Variants in CCDC60 observed in about 807,000 individuals in gnomAD.
CCDC60 encodes the protein coiled-coil domain-containing protein 60.
Under a neutral mutation model 63.5 loss-of-function variants are expected in CCDC60, and 54 were observed. The observed-to-expected ratio is 0.85, with a 90% CI of 0.68 to 1.07. CCDC60 has a LOEUF of 1.07. Ranked by LOEUF, CCDC60 falls within the 50% of genes least tolerant of loss-of-function variation. CCDC60 has a pLI of 0.00. For missense variants in CCDC60, 651 were observed against 684.3 expected, an observed-to-expected ratio of 0.95 and a Z score of 0.54; for synonymous variants, 206 against 238.8, an observed-to-expected ratio of 0.86 and a Z score of 1.27.
chr12:119,478,418 G>A (rs1314234611), intron 3 of CCDC60, among the ~76,000 whole-genome samples: 1 of 151,890 alleles, frequency 6.6e-6, no homozygotes, highest in Non-Finnish European at 1.5e-5. Context: ...CTGCTGTAAT[G>A]GTGAAAGAAA....
chr12:119,524,397 C>T (rs1952622064), intron 11 of CCDC60: 16 of 977,478 alleles, frequency 1.6e-5, no homozygotes, highest in Non-Finnish European at 1.9e-5. Flanking sequence ...TTCTAGCTTA[C>T]TCCTTGACTC....
chr12:119,414,643 C>T (rs1956668263), intron 1 of CCDC60, among the ~76,000 whole-genome samples: 2 of 152,086 alleles, frequency 1.3e-5, no homozygotes, highest in South Asian at 2.1e-4. Flanking sequence ...CTCAAACTCT[C>T]GAGCTTAAGT....
chr12:119,416,188 C>T (rs1292428213), intron 1 of CCDC60, among the ~76,000 whole-genome samples: 2 of 152,126 alleles, frequency 1.3e-5, no homozygotes, highest in Admixed American at 1.3e-4. Flanking sequence ...TCGAGACCAG[C>T]CTGACCAACA....
chr12:119,532,597 C>G (rs1356354593), intron 13 of CCDC60, among the ~76,000 whole-genome samples: 1 of 151,828 alleles, frequency 6.6e-6, no homozygotes, highest in Non-Finnish European at 1.5e-5. Context: ...CAGGCCCCAG[C>G]TTGTGATGTT....
intron 7 of CCDC60, among the ~76,000 whole-genome samples, chr12:119,512,049 C>A (rs940306145): frequency 3.3e-5 from 5 of 152,142 alleles, no homozygotes; most frequent in African/African-American, 1.2e-4. Context: ...TTTATCACAG[C>A]CTAGATGGCT....
At chr12:119,509,644 AATGATGATGATG>A (rs60115763) in intron 7 of CCDC60, among the ~76,000 whole-genome samples, 2 of 150,824 alleles carry the variant, frequency 1.3e-5, no homozygotes, top group East Asian at 2.0e-4. Flanking sequence ...TTTTCTTTAG[AATGATGATGATG>A]ATGATGATGA....
rs200360425 is a variant in CCDC60, at chr12:119,456,547, TC to T, written c.171-15446del. Among the ~76,000 whole-genome samples the T allele has an allele frequency of 6.2e-3, 943 of 152,334 alleles. 12 individuals carry two copies. Among genetic ancestry groups the T allele is most frequent in the African/African-American group, 0.021 (891 of 41,576 alleles). Reference sequence around the variant, plus strand: ...CCCAATCCAGACCCCAAGAGAAGGTTCTTGGATCTTGCACAAGAAAGAATTC... The same window carrying T: ...CCCAATCCAGACCCCAAGAGAAGGTTTTGGATCTTGCACAAGAAAGAATTC... On this transcript the variant is annotated intron_variant, in intron 2 of 13. Transcript: ENST00000327554. This position sits in a 1 kb window ranked among gnomAD's most constrained non-coding sequence, Gnocchi z 4.6.
chr12:119,539,217 T>C (rs1406171481), intron 13 of CCDC60, among the ~76,000 whole-genome samples: 1 of 152,208 alleles, frequency 6.6e-6, no homozygotes, highest in East Asian at 1.9e-4. Flanking sequence ...GCTTGAGCGC[T>C]GTGCTGGGAG....
At chr12:119,360,918 G>A (rs975347428) in intron 1 of CCDC60, among the ~76,000 whole-genome samples, 20 of 152,280 alleles carry the variant, frequency 1.3e-4, no homozygotes, top group Admixed American at 9.8e-4. Context: ...CGGATCACTC[G>A]CGGTTAGGAG....
Position 119,428,746 on chromosome 12 carries a change from G to T in CCDC60, c.154G>T (p.Asp52Tyr). Residue 52 changes from aspartate (D) to tyrosine (Y), a missense_variant, in exon 2 of 14, where the codon GAC (aspartate) becomes TAC (tyrosine). Asp to Tyr is a radical substitution (Grantham distance 160). Transcript: ENST00000327554. ...CAAGGAAATAATAAACCTCAAAAAG[G>T]ACCTTATACGAAGCCGGTGAGTGAG... ...MDKEIINLKKDLIRSRFLIQS... is the reference protein window; with the variant it reads ...MDKEIINLKKYLIRSRFLIQS... The T allele has an allele frequency of 1.2e-6, 2 of 1,600,262 alleles. No individual in the cohort carries two copies. Among genetic ancestry groups the T allele is most frequent in the Non-Finnish European group, 1.7e-6 (2 of 1,171,210 alleles).
At chr12:119,438,644 G>A (rs1934107323) in intron 2 of CCDC60, among the ~76,000 whole-genome samples, 1 of 152,176 alleles carries the variant, frequency 6.6e-6, no homozygotes, top group African/African-American at 2.4e-5. Context: ...TATGGATGAG[G>A]AATATATGAC....
At chr12:119,419,869 CTTTTTTTTT>C (rs1206831493) in intron 1 of CCDC60, among the ~76,000 whole-genome samples, 2 of 106,502 alleles carry the variant, frequency 1.9e-5, no homozygotes, top group Non-Finnish European at 1.8e-5. Flanking sequence ...TTAAATAATT[CTTTTTTTTT>C]TTTTTTTTTT....
intron 1 of CCDC60, among the ~76,000 whole-genome samples, chr12:119,361,102 G>T (rs1955784801): frequency 6.6e-6 from 1 of 150,894 alleles, no homozygotes; most frequent in South Asian, 2.1e-4. Flanking sequence ...TCCAGCTTCG[G>T]CTTGGCATGA....
rs770291473 is a variant in CCDC60 at position 119,472,151 on chromosome 12, G to A, written c.328G>A (p.Asp110Asn). The A allele has an allele frequency of 2.5e-6, 4 of 1,614,048 alleles. No individual in the cohort carries two copies. Among genetic ancestry groups the A allele is most frequent in the Non-Finnish European group, 3.4e-6 (4 of 1,179,976 alleles). The change falls in exon 3 of 14, where the codon GAC (aspartate) becomes AAC (asparagine). Residue 110 changes from aspartate (D) to asparagine (N), a missense_variant. By Grantham distance (23) the Asp-to-Asn change is conservative. Transcript: ENST00000327554. The stretch of plus-strand genomic sequence containing the variant: ...AAAGATCTCAGAAATCCACTATGGG[G>A]ACACCTTATTGAGGTAAGTGGATGC... The part of the protein sequence containing the change: ...AEKISEIHYG[D>N]TLLSTYDDEK...
intron 2 of CCDC60, among the ~76,000 whole-genome samples, chr12:119,439,665 A>G (rs913908458): frequency 1.3e-5 from 2 of 152,210 alleles, no homozygotes; most frequent in African/African-American, 4.8e-5. Context: ...CACCTGTCCT[A>G]CAAAATGCAC....
At chr12:119,441,127 G>A (rs1413154621) in intron 2 of CCDC60, among the ~76,000 whole-genome samples, 1 of 152,196 alleles carries the variant, frequency 6.6e-6, no homozygotes, top group African/African-American at 2.4e-5. Flanking sequence ...CCCATATTCT[G>A]AAACTTGGAG....
chr12:119,521,497 G>A (rs1952528994), intron 9 of CCDC60, among the ~76,000 whole-genome samples: 1 of 152,104 alleles, frequency 6.6e-6, no homozygotes, highest in African/African-American at 2.4e-5. Flanking sequence ...TCAGGACAAA[G>A]GAGAATTGAC....
intron 11 of CCDC60, among the ~76,000 whole-genome samples, 177 bp downstream of exon 11, chr12:119,523,995 A>G (rs1429029541): frequency 1.3e-5 from 2 of 152,212 alleles, no homozygotes; most frequent in Non-Finnish European, 2.9e-5. Context: ...GCATCCATAA[A>G]TATATAGGTA....
intron 1 of CCDC60, among the ~76,000 whole-genome samples, chr12:119,369,702 T>G (rs1432131682): frequency 6.6e-6 from 1 of 152,124 alleles, no homozygotes; most frequent in Non-Finnish European, 1.5e-5. Context: ...GAGGATGTAA[T>G]TAGCTCGTGG....
Sources: gnomAD v4.1 joint callset for allele counts (sites outside exome capture counted in the v4.1 genomes callset) on GRCh38, gnomAD v4.1.1 for gene constraint, Gnocchi (gnomAD v3.1) non-coding constraint, MANE v1.5 for transcripts, NCBI Gene and HGNC (gene_info 2026-07-23, HGNC 2026-07-21) for gene names.